NAALADL2: variants seen among roughly 807,000 people sequenced by gnomAD.
The protein encoded by NAALADL2 is N-acetylated alpha-linked acidic dipeptidase like 2.
NAALADL2 carries 76 observed loss-of-function variants against 87.2 expected under a neutral mutation model. The observed-to-expected ratio is 0.87, with a 90% CI of 0.72 to 1.05. NAALADL2 has a LOEUF of 1.05. Among genes scored for constraint, NAALADL2 ranks in the 50% least tolerant of loss-of-function variants. The probability of loss-of-function intolerance (pLI) is 0.00; values close to 1 mark genes in which losing one functional copy is unlikely to be tolerated. For synonymous variants in NAALADL2, 354 were observed against 331.0 expected (o/e 1.07, Z -0.75); for missense variants, 1,089 against 945.8 (o/e 1.15, Z -1.99).
At chr3:174,790,302 T>A (rs2109197819) in intron 3 of NAALADL2, among the ~76,000 whole-genome samples, 1 of 152,302 alleles carries the variant, frequency 6.6e-6, no homozygotes, top group South Asian at 2.1e-4. Context: ...GCATCCGATT[T>A]GCTTTCTTTC....
At chr3:175,248,430 T>C (rs1748411193) in intron 3 of NAALADL2, among the ~76,000 whole-genome samples, 1 of 152,164 alleles carries the variant, frequency 6.6e-6, no homozygotes, top group Non-Finnish European at 1.5e-5. Context: ...TGAAAACAAG[T>C]TTATGTATCG....
chr3:174,929,971 T>G (rs1221769420), intron 1 of NAALADL2, among the ~76,000 whole-genome samples: 2 of 152,194 alleles, frequency 1.3e-5, no homozygotes, highest in Admixed American at 6.6e-5. Context: ...TCAATAATAA[T>G]GAACTCTTTT....
chr3:174,778,744 C>T (rs1465200314), intron 3 of NAALADL2, among the ~76,000 whole-genome samples: 3 of 151,964 alleles, frequency 2.0e-5, no homozygotes, highest in African/African-American at 7.3e-5. Context: ...TTTTCTGTTC[C>T]TGTGTTAGTT....
chr3:175,242,233 A>T lies in NAALADL2; in HGVS notation c.819+8029A>T, dbSNP rs544439538. The T allele has an allele frequency of 5.0e-4, 76 of 152,038 alleles. 1 individual carries two copies. The highest frequency in any genetic ancestry group is 1.8e-3 in the African/African-American group (74 of 41,310). The allele number at this position is 152,038 out of a possible 1,614,324, so 9.4% of individuals were successfully genotyped here. ...AGTCACCGTAATTACCATTTGACAG[A>T]AAATGCCAGTGTTTTCGTTTTTATT... On this transcript the variant is annotated intron_variant, in intron 3 of 13. Transcript: ENST00000454872.
intron 2 of NAALADL2, among the ~76,000 whole-genome samples, chr3:174,667,564 T>A (rs1726091226): frequency 1.1e-5 from 1 of 94,690 alleles, no homozygotes. Flanking sequence ...TTTTTTTTTA[T>A]AGCAAGACTT....
At chr3:175,671,997 G>A (rs1020190077) in intron 11 of NAALADL2, among the ~76,000 whole-genome samples, 2 of 152,000 alleles carry the variant, frequency 1.3e-5, no homozygotes, top group Admixed American at 1.3e-4. Context: ...ACAGTGCTAC[G>A]CTTCTAATCC....
In NAALADL2 at chr3:175,793,455, A is replaced by G. The variant is rs1244576248; in HGVS notation, c.2190-9550A>G. On this transcript the variant is annotated intron_variant, in intron 13 of 13. Coordinates refer to ENST00000454872, the MANE Select transcript of NAALADL2 (RefSeq NM_207015.3). ...CTCCCGAGTAGCTGGGACTACAGGC[A>G]CCCGCCACCGCGCCCGGCTAATTTT... Among the ~76,000 whole-genome samples, 6 of 150,508 alleles carry G rather than the reference A, an allele frequency of 4.0e-5. No individual in the cohort carries two copies. In the East Asian group the frequency reaches 9.8e-4, roughly 25 times the overall value.
At chr3:175,674,341 G>T (rs1187814382) in intron 11 of NAALADL2, among the ~76,000 whole-genome samples, 3 of 151,122 alleles carry the variant, frequency 2.0e-5, no homozygotes, top group Non-Finnish European at 4.4e-5. Context: ...CTCACTGCAA[G>T]CTCCGCCTCC....
intron 2 of NAALADL2, among the ~76,000 whole-genome samples, chr3:174,636,452 C>G (rs1330910962): frequency 6.6e-6 from 1 of 151,970 alleles, no homozygotes; most frequent in African/African-American, 2.4e-5. Context: ...ACTCAAACAA[C>G]AGTAAAAATA....
intron 1 of NAALADL2, among the ~76,000 whole-genome samples, chr3:174,866,166 A>G (rs1727115672): frequency 6.6e-6 from 1 of 151,954 alleles, no homozygotes; most frequent in Admixed American, 6.6e-5. Context: ...ACATGATGAT[A>G]GAAATTGAAA....
chr3:174,910,846 C>G (rs897901168), intron 1 of NAALADL2, among the ~76,000 whole-genome samples: 6 of 152,036 alleles, frequency 3.9e-5, no homozygotes, highest in Non-Finnish European at 5.9e-5. Flanking sequence ...CCATTTTAGG[C>G]CAAAGCTATC....
chr3:174,541,500 C>T (rs1189556119), intron 1 of NAALADL2, among the ~76,000 whole-genome samples: 7 of 152,248 alleles, frequency 4.6e-5, no homozygotes, highest in African/African-American at 1.7e-4. Flanking sequence ...ATAAGTAACA[C>T]ATATTGAATA....
At chr3:175,132,077 A>T (rs112201793) in intron 2 of NAALADL2, among the ~76,000 whole-genome samples, 1 of 80,206 alleles carries the variant, frequency 1.2e-5, no homozygotes. Context: ...GCGGCTGGCC[A>T]GGCGGGGGGC....
chr3:174,979,005 G>A (rs183383258), intron 1 of NAALADL2, among the ~76,000 whole-genome samples: 1 of 152,068 alleles, frequency 6.6e-6, no homozygotes, highest in African/African-American at 2.4e-5. Context: ...TTATTTTTGG[G>A]TGAAAGGAGC....
intron 2 of NAALADL2, among the ~76,000 whole-genome samples, chr3:174,608,298 G>A (rs1217333870): frequency 1.3e-5 from 2 of 152,066 alleles, no homozygotes; most frequent in African/African-American, 4.8e-5. Context: ...CTAGCAGAAG[G>A]TAAGAAATAA....
intron 11 of NAALADL2, among the ~76,000 whole-genome samples, chr3:175,654,663 C>T (rs371730356): frequency 8.3e-4 from 126 of 152,164 alleles, no homozygotes; most frequent in Non-Finnish European, 1.0e-3. Flanking sequence ...ATAGCTGTAG[C>T]GATGGCTTCA....
chr3:175,221,214 A>AAG (rs1743321052), intron 2 of NAALADL2, among the ~76,000 whole-genome samples: 2 of 149,142 alleles, frequency 1.3e-5, no homozygotes, highest in African/African-American at 2.4e-5. Context: ...AAAAAAAAAA[A>AAG]AAGATTTTTT....
chr3:174,552,999 G>A (rs1712333362), intron 2 of NAALADL2, among the ~76,000 whole-genome samples: 1 of 151,994 alleles, frequency 6.6e-6, no homozygotes, highest in Non-Finnish European at 1.5e-5. Flanking sequence ...GTTGTGTTTT[G>A]CTAAAGATGA....
chr3:175,248,909 A>G lies in NAALADL2; in HGVS notation c.820-7502A>G, dbSNP rs113728829. 3.1e-3 allele frequency among the ~76,000 whole-genome samples: 473 copies of G among 152,314 alleles called. 2 individuals carry two copies. Among genetic ancestry groups the G allele is most frequent in the African/African-American group, 0.011 (444 of 41,560 alleles). ...ATATCTCATTTTCAATGAATAATAT[A>G]GCTGTCTGACATAAGGTGTGTAGAG... On this transcript the variant is annotated intron_variant, in intron 3 of 13. Transcript: ENST00000454872.
Sources: allele counts gnomAD v4.1 joint callset (sites outside exome capture counted in the v4.1 genomes callset), GRCh38; gene constraint gnomAD v4.1.1; transcripts MANE v1.5; gene names NCBI Gene and HGNC (gene_info 2026-07-23, HGNC 2026-07-21).